The following SV2C variants were observed in gnomAD, a reference collection of about 807,000 sequenced individuals.
The protein encoded by SV2C is synaptic vesicle glycoprotein 2C, also known as solute carrier family 22 member B3.
SV2C carries 49 observed loss-of-function variants against 79.7 expected under a neutral mutation model. That is an observed-to-expected ratio of 0.61 (90% CI 0.49 to 0.78). SV2C has a LOEUF of 0.78. Ranked by LOEUF, SV2C falls within the 30% of genes least tolerant of loss-of-function variation. SV2C has a pLI of 0.00. For missense variants in SV2C, 833 were observed against 912.9 expected, an observed-to-expected ratio of 0.91 and a Z score of 1.13; for synonymous variants, 334 against 333.2, an observed-to-expected ratio of 1.00 and a Z score of -0.03.
At chr5:76,018,530 G>A in the SV2C span, among the ~76,000 whole-genome samples, 1 of 152,134 alleles carries the variant, frequency 6.6e-6, no homozygotes, top group Non-Finnish European at 1.5e-5. Flanking sequence ...ACAGAGATAT[G>A]TGCAAGATAT....
At chr5:76,007,677 C>T in the SV2C span, among the ~76,000 whole-genome samples, 1 of 152,150 alleles carries the variant, frequency 6.6e-6, no homozygotes, top group East Asian at 1.9e-4. Flanking sequence ...AGAGCAACTA[C>T]TATGTTGAAG....
the SV2C span, among the ~76,000 whole-genome samples, chr5:75,931,924 G>A: frequency 3.3e-5 from 5 of 152,128 alleles, no homozygotes; most frequent in South Asian, 1.0e-3. Flanking sequence ...CACAGCATCC[G>A]GCATCCCTCA....
chr5:76,149,325 C>T (rs1749529940), intron 2 of SV2C, among the ~76,000 whole-genome samples: 1 of 152,152 alleles, frequency 6.6e-6, no homozygotes, highest in African/African-American at 2.4e-5. Context: ...AGACCAGTGC[C>T]CCCCAGACAT....
At chr5:75,868,358 C>G in the SV2C span, among the ~76,000 whole-genome samples, 1 of 152,096 alleles carries the variant, frequency 6.6e-6, no homozygotes, top group Non-Finnish European at 1.5e-5. Context: ...ACAAACAAAA[C>G]CAAACAAAAC....
intron 4 of SV2C, among the ~76,000 whole-genome samples, chr5:76,254,802 CAT>C (rs1005388240): frequency 2.0e-5 from 3 of 152,168 alleles, no homozygotes; most frequent in Non-Finnish European, 4.4e-5. Context: ...TTGCTTGCCA[CAT>C]AGACATGTAT....
At chr5:75,999,880 C>G in the SV2C span, among the ~76,000 whole-genome samples, 1 of 152,022 alleles carries the variant, frequency 6.6e-6, no homozygotes, top group Non-Finnish European at 1.5e-5. Context: ...GTGTGAGTCT[C>G]ACGTGGAGGA....
At chr5:75,852,103 G>A in the SV2C span, among the ~76,000 whole-genome samples, 1 of 152,150 alleles carries the variant, frequency 6.6e-6, no homozygotes. Context: ...TTATAAGTGG[G>A]AGTTGATCAA....
At position 76,177,114 on chromosome 5, in the gene SV2C, C is replaced by CAA. The variant is rs11429825; in HGVS notation, c.581-17796_581-17795dup. 8.8e-4 allele frequency among the ~76,000 whole-genome samples: 122 copies of CAA among 138,854 alleles called. 1 individual carries two copies. The East Asian group carries it at 0.011, about 12-fold the overall frequency. 91.1% of individuals were successfully genotyped at this position (138,854 alleles called of 152,430 possible). A position where few individuals can be genotyped will look rare whatever the true frequency, so the allele number is the denominator to read the frequency against. On this transcript the variant is annotated intron_variant, in intron 2 of 12. Transcript: ENST00000502798. ...TGGGCGACAGAGCGAGACTCTGTCT[C>CAA]AAAAAAAAAACAACAAAAAACAGAA... is the stretch of plus-strand genomic sequence containing the variant.
chr5:75,885,731 A>T, the SV2C span, among the ~76,000 whole-genome samples: 1 of 152,138 alleles, frequency 6.6e-6, no homozygotes, highest in South Asian at 2.1e-4. Context: ...TTTTTTCTTG[A>T]ATCAGGAGTC....
intron 4 of SV2C, among the ~76,000 whole-genome samples, chr5:76,268,581 A>C (rs552822147): frequency 8.5e-5 from 13 of 152,180 alleles, no homozygotes; most frequent in Non-Finnish European, 1.6e-4. Flanking sequence ...GAATTTTGAG[A>C]ACCAACTTCT....
At chr5:76,151,564 G>T (rs912741517) in intron 2 of SV2C, among the ~76,000 whole-genome samples, 2 of 152,164 alleles carry the variant, frequency 1.3e-5, no homozygotes, top group Non-Finnish European at 2.9e-5. Flanking sequence ...GGGAGAAGGT[G>T]TTTATGGGCA....
At chr5:76,070,397 G>A in the SV2C span, among the ~76,000 whole-genome samples, 3 of 152,220 alleles carry the variant, frequency 2.0e-5, no homozygotes, top group South Asian at 6.2e-4. Flanking sequence ...TGTCCCCAAG[G>A]TTAAGGCACT....
intron 1 of SV2C, among the ~76,000 whole-genome samples, chr5:76,090,984 T>C (rs1040385536): frequency 4.6e-5 from 7 of 152,254 alleles, no homozygotes; most frequent in African/African-American, 1.4e-4. Flanking sequence ...GCACGTATTT[T>C]AATATCACTT....
At chr5:75,909,397 G>T in the SV2C span, among the ~76,000 whole-genome samples, 1 of 152,118 alleles carries the variant, frequency 6.6e-6, no homozygotes, top group Non-Finnish European at 1.5e-5. Flanking sequence ...GAGTTGAATG[G>T]GTTTTCACAA....
the SV2C span, among the ~76,000 whole-genome samples, chr5:75,960,837 C>G: frequency 6.6e-6 from 1 of 152,080 alleles, no homozygotes; most frequent in African/African-American, 2.4e-5. Context: ...CCCCAAATAT[C>G]TACAGACTGT....
chr5:75,927,872 G>A, the SV2C span, among the ~76,000 whole-genome samples: 1 of 152,156 alleles, frequency 6.6e-6, no homozygotes, highest in African/African-American at 2.4e-5. Context: ...GAAAGGGTGA[G>A]AGAGCAAGGG....
chr5:75,968,277 C>T, the SV2C span, among the ~76,000 whole-genome samples: 2 of 152,208 alleles, frequency 1.3e-5, no homozygotes, highest in Non-Finnish European at 2.9e-5. Context: ...GCTTCTCCTC[C>T]TCCAAAGGAA....
the SV2C span, among the ~76,000 whole-genome samples, chr5:76,051,228 A>C: frequency 5.3e-5 from 8 of 152,334 alleles, no homozygotes; most frequent in African/African-American, 1.9e-4. Context: ...AAATGCTAAC[A>C]AAAACAACAG....
chr5:76,347,401 A>G (rs1280308054), intron 12 of SV2C, among the ~76,000 whole-genome samples: 1 of 152,032 alleles, frequency 6.6e-6, no homozygotes, highest in Non-Finnish European at 1.5e-5. Flanking sequence ...TGCACATTCC[A>G]CCATGTACCT....
Sources: allele counts gnomAD v4.1 joint callset (sites outside exome capture counted in the v4.1 genomes callset), GRCh38; gene constraint gnomAD v4.1.1; transcripts MANE v1.5; gene names NCBI Gene and HGNC (gene_info 2026-07-23, HGNC 2026-07-21).